Variants in CCDC30 observed in about 807,000 individuals in gnomAD.
CCDC30 encodes coiled-coil domain-containing protein 30.
CCDC30 carries 70 observed loss-of-function variants against 100.2 expected under a neutral mutation model. That is an observed-to-expected ratio of 0.70 (90% CI 0.58 to 0.85). CCDC30 has a LOEUF of 0.85. CCDC30 is among the 40% of genes least tolerant of loss of function. The pLI, the probability that CCDC30 is intolerant of heterozygous loss-of-function variation, is 0.00. For missense variants in CCDC30, 652 were observed against 771.2 expected, an observed-to-expected ratio of 0.85 and a Z score of 1.83; for synonymous variants, 233 against 269.5, an observed-to-expected ratio of 0.86 and a Z score of 1.33.
chr1:42,546,399 A>AAAATAT (rs1645138466), intron 6 of CCDC30, among the ~76,000 whole-genome samples: 6 of 11,982 alleles, frequency 5.0e-4, no homozygotes, highest in Admixed American at 2.5e-3. Context: ...AAAAAAAAAA[A>AAAATAT]ATATATATAT....
chr1:42,540,649 C>T (rs72659962), intron 6 of CCDC30, among the ~76,000 whole-genome samples: 20,684 of 139,454 alleles, frequency 0.15, 1,552 homozygotes, highest in East Asian at 0.23. Flanking sequence ...CTCTTTCCCT[C>T]TACACACACA....
At chr1:42,485,544 A>C (rs903122777) in intron 3 of CCDC30, among the ~76,000 whole-genome samples, 3 of 152,188 alleles carry the variant, frequency 2.0e-5, no homozygotes, top group African/African-American at 7.2e-5. Flanking sequence ...CTGTAGTCCT[A>C]GCTACTTGGA....
intron 1 of CCDC30, among the ~76,000 whole-genome samples, chr1:42,472,770 A>G (rs775757374): frequency 8.5e-5 from 13 of 152,152 alleles, no homozygotes; most frequent in Admixed American, 1.3e-4. Context: ...TTAAGTGCTC[A>G]TAACTAGATA....
At chr1:42,507,248 A>G (rs149564203) in intron 6 of CCDC30, among the ~76,000 whole-genome samples, 22 of 152,302 alleles carry the variant, frequency 1.4e-4, no homozygotes, top group African/African-American at 5.3e-4. Context: ...ATGAAACCTC[A>G]TAGACAATAC....
intron 9 of CCDC30, among the ~76,000 whole-genome samples, chr1:42,587,061 G>C (rs1008264776): frequency 6.6e-6 from 1 of 152,096 alleles, no homozygotes; most frequent in South Asian, 2.1e-4. Context: ...GCAGTAGTGC[G>C]ATCACAGTTC....
At chr1:42,482,893 A>G in intron 3 of CCDC30, 77 bp downstream of exon 3, 1 of 824,818 alleles carries the variant, frequency 1.2e-6, no homozygotes, top group South Asian at 6.3e-5. Context: ...GAACATGAGA[A>G]AAAAAAAAAA....
intron 1 of CCDC30, among the ~76,000 whole-genome samples, chr1:42,465,210 C>G (rs563024742): frequency 1.3e-5 from 2 of 152,256 alleles, no homozygotes; most frequent in Non-Finnish European, 2.9e-5. Context: ...ACTCTGGAGG[C>G]TGAGGTGGGA....
At chr1:42,456,576 T>A in the CCDC30 span, 1 of 1,484,222 alleles carries the variant, frequency 6.7e-7, no homozygotes. Context: ...ATGGCGGAAA[T>A]GGATCCGGTA....
chr1:42,630,691 T>C (rs189484129), intron 11 of CCDC30, among the ~76,000 whole-genome samples: 1 of 152,224 alleles, frequency 6.6e-6, no homozygotes, highest in Non-Finnish European at 1.5e-5. Context: ...CCTGTGTATT[T>C]TCAAATAGTC....
At chr1:42,456,885 C>T in the CCDC30 span, 3 of 1,612,936 alleles carry the variant, frequency 1.9e-6, no homozygotes, top group East Asian at 4.5e-5. Context: ...GCTCTGCGGC[C>T]TTCGGGCCCA....
intron 10 of CCDC30, among the ~76,000 whole-genome samples, chr1:42,610,014 A>C (rs1366640539): frequency 6.6e-6 from 1 of 152,228 alleles, no homozygotes; most frequent in Admixed American, 6.5e-5. Context: ...CACTCATAGA[A>C]GATCTGTGGT....
rs1646661512 is a variant in CCDC30 at position 42,613,349 on chromosome 1, G to C, written c.1277+2259G>C. 5.9e-5 allele frequency among the ~76,000 whole-genome samples: 9 copies of C among 152,308 alleles called. No individual in the cohort carries two copies. The South Asian group carries it at 1.9e-3, about 32-fold the overall frequency. On this transcript the variant is annotated intron_variant, in intron 11 of 16. Coordinates refer to ENST00000668663, the Ensembl canonical transcript of CCDC30. ...GGCTCACTGCAAGCTCCGCCTCCCA[G>C]GTTCACGCCATTCTCCTGGCTCAGC... is the stretch of plus-strand genomic sequence containing the variant.
At chr1:42,621,022 T>A (rs1361725359) in intron 11 of CCDC30, among the ~76,000 whole-genome samples, 1 of 152,162 alleles carries the variant, frequency 6.6e-6, no homozygotes, top group African/African-American at 2.4e-5. Context: ...TGAGGCAAAA[T>A]TAATGTAAGT....
chr1:42,604,058 A>AT (rs373842389), intron 10 of CCDC30, among the ~76,000 whole-genome samples: 1 of 150,940 alleles, frequency 6.6e-6, no homozygotes, highest in African/African-American at 2.4e-5. Flanking sequence ...TGTCTCTCCA[A>AT]TTTTTTTTTA....
chr1:42,581,495 C>G, exon 9 of CCDC30: 1 of 1,612,956 alleles, frequency 6.2e-7, no homozygotes, highest in Non-Finnish European at 8.5e-7. Flanking sequence ...GCAACAATAT[C>G]AAGAAGAACA....
chr1:42,612,174 T>C (rs1646639233), intron 11 of CCDC30, among the ~76,000 whole-genome samples: 1 of 152,238 alleles, frequency 6.6e-6, no homozygotes, highest in Non-Finnish European at 1.5e-5. Context: ...TCTTCAAATT[T>C]GCTATTTCCA....
chr1:42,643,674 CA>C (rs34093154), intron 13 of CCDC30, among the ~76,000 whole-genome samples: 41,806 of 151,976 alleles, frequency 0.28, 6,251 homozygotes, highest in Middle Eastern at 0.35. Context: ...CCTCATTTTA[CA>C]AATAAGGAAA....
At chr1:42,613,970 C>T (rs1646676065) in intron 11 of CCDC30, among the ~76,000 whole-genome samples, 1 of 152,094 alleles carries the variant, frequency 6.6e-6, no homozygotes, top group Non-Finnish European at 1.5e-5. Context: ...CTGACACTAC[C>T]AAATTTTTCT....
At chr1:42,545,162 TAAAAAAAA>T (rs57060353) in intron 6 of CCDC30, among the ~76,000 whole-genome samples, 11 of 64,676 alleles carry the variant, frequency 1.7e-4, no homozygotes, top group African/African-American at 3.4e-4. Context: ...AAAATACCTT[TAAAAAAAA>T]AAAAAAAAAA....
Sources: allele counts gnomAD v4.1 joint callset (sites outside exome capture counted in the v4.1 genomes callset), GRCh38; gene constraint gnomAD v4.1.1; transcripts MANE v1.5; gene names NCBI Gene and HGNC (gene_info 2026-07-23, HGNC 2026-07-21).